The following CUX1 variants were observed in gnomAD, a reference collection of about 807,000 sequenced individuals.
CUX1 encodes the protein protein CASP.
Under a neutral mutation model 158.8 loss-of-function variants are expected in CUX1, and 31 were observed. The observed-to-expected ratio is 0.20, with a 90% CI of 0.15 to 0.26. The LOEUF is 0.26. Ranked by LOEUF, CUX1 falls within the 10% of genes least tolerant of loss-of-function variation. The probability of loss-of-function intolerance (pLI) is 1.00; values close to 1 mark genes in which losing one functional copy is unlikely to be tolerated. For missense variants in CUX1, 1,589 were observed against 2,014.6 expected (o/e 0.79, Z 4.04); for synonymous variants, 879 against 862.1 (o/e 1.02, Z -0.34).
chr7:102,240,915 G>A (rs1282049049), intron 23 of CUX1, among the ~76,000 whole-genome samples: 1 of 152,272 alleles, frequency 6.6e-6, no homozygotes, highest in Middle Eastern at 3.4e-3. Context: ...CCTTCTCCCA[G>A]GTTCAAGCGA....
At chr7:101,903,144 G>A (rs962573293) in intron 1 of CUX1, among the ~76,000 whole-genome samples, 45 of 152,282 alleles carry the variant, frequency 3.0e-4, no homozygotes, top group African/African-American at 9.9e-4. Context: ...TGACCCCGAG[G>A]CCAAGAGGAG....
upstream of CUX1, chr7:101,816,801 G>A (rs1437530325): frequency 4.2e-6 from 1 of 239,624 alleles, no homozygotes; most frequent in African/African-American, 2.4e-5. Flanking sequence ...CCAGGCGGGC[G>A]GGTGGCCGGG....
chr7:102,208,977 GCC>G (rs1796237331), intron 20 of CUX1, among the ~76,000 whole-genome samples: 1 of 152,216 alleles, frequency 6.6e-6, no homozygotes, highest in Non-Finnish European at 1.5e-5. Context: ...AACTTGCTCA[GCC>G]AGCCACAGCC....
chr7:102,122,519 G>A (rs1467463217), intron 8 of CUX1, among the ~76,000 whole-genome samples: 1 of 152,052 alleles, frequency 6.6e-6, no homozygotes, highest in East Asian at 1.9e-4. Context: ...AGCCCTGAAG[G>A]ATTTTCCTTG....
chr7:102,237,754 G>A (rs1586383682), intron 22 of CUX1, among the ~76,000 whole-genome samples: 1 of 152,168 alleles, frequency 6.6e-6, no homozygotes, highest in Non-Finnish European at 1.5e-5. Context: ...CTGGGCCCGG[G>A]GAACCACTAC....
chr7:101,993,431 C>T (rs1815403683), intron 2 of CUX1, among the ~76,000 whole-genome samples: 1 of 152,218 alleles, frequency 6.6e-6, no homozygotes, highest in Admixed American at 6.5e-5. Flanking sequence ...TCAGAGAGAG[C>T]TGCAGCTGCT....
At chr7:102,120,100 A>G (rs1831876690) in intron 8 of CUX1, among the ~76,000 whole-genome samples, 1 of 152,146 alleles carries the variant, frequency 6.6e-6, no homozygotes, top group African/African-American at 2.4e-5. Context: ...TCACTGCCCC[A>G]AGTTCCTGCA....
rs1791962606 is a variant in CUX1 at position 102,173,519 on chromosome 7, A to G, written c.828+2969A>G. Among the ~76,000 whole-genome samples the G allele has an allele frequency of 2.0e-5, 3 of 152,156 alleles. No individual in the cohort carries two copies. The South Asian group carries it at 6.2e-4, about 32-fold the overall frequency. On this transcript the variant is annotated intron_variant, in intron 10 of 23. Coordinates refer to ENST00000292535, the MANE Select transcript of CUX1 (RefSeq NM_181552.4). ...TTACAGTTCCTTCCTCTAAGTTTAG[A>G]CAAACTGGATCCAGCACCATGGCTA...
At chr7:101,928,913 A>G (rs959275618) in intron 2 of CUX1, among the ~76,000 whole-genome samples, 44 of 129,492 alleles carry the variant, frequency 3.4e-4, no homozygotes, top group East Asian at 1.2e-3. Flanking sequence ...CTCGTGATCC[A>G]CCCGCCTCGG....
chr7:101,869,205 G>A lies in CUX1; in HGVS notation c.31-46910G>A, dbSNP rs1213866269. Among the ~76,000 whole-genome samples, 2 of 152,124 alleles carry A rather than the reference G, an allele frequency of 1.3e-5. No individual in the cohort carries two copies. Among genetic ancestry groups the A allele is most frequent in the Non-Finnish European group, 2.9e-5 (2 of 68,010 alleles). On this transcript the variant is annotated intron_variant, in intron 1 of 23. Coordinates refer to ENST00000292535, the MANE Select transcript of CUX1 (RefSeq NM_181552.4). This position sits in a 1 kb window ranked among gnomAD's most constrained non-coding sequence, Gnocchi z 4.5. The stretch of plus-strand genomic sequence containing the variant: ...GGGGAGACCAGGATGAGCCCCATGT[G>A]CGCGTGACCTGTGGCAGAGGGGCTG...
At chr7:101,927,564 C>T (rs1805737376) in intron 2 of CUX1, among the ~76,000 whole-genome samples, 1 of 152,052 alleles carries the variant, frequency 6.6e-6, no homozygotes, top group African/African-American at 2.4e-5. Context: ...GTAGGAGGAT[C>T]CCTTGAGCCC....
intron 1 of CUX1, among the ~76,000 whole-genome samples, chr7:101,839,372 C>T (rs1205789011): frequency 6.6e-6 from 1 of 152,120 alleles, no homozygotes; most frequent in African/African-American, 2.4e-5. Flanking sequence ...CCAGGAAAAG[C>T]CTTGCTGGAT....
intron 9 of CUX1, among the ~76,000 whole-genome samples, chr7:102,166,617 T>C (rs1791066792): frequency 6.6e-6 from 1 of 152,172 alleles, no homozygotes; most frequent in African/African-American, 2.4e-5. Flanking sequence ...CAGCTGCCAA[T>C]GATGGGCTAC....
chr7:102,121,268 A>G (rs1474960064), intron 8 of CUX1, among the ~76,000 whole-genome samples: 2 of 151,812 alleles, frequency 1.3e-5, no homozygotes, highest in Non-Finnish European at 2.9e-5. Context: ...CCCGGGTTCA[A>G]GTGATTCTTC....
chr7:102,082,712 T>TC (rs1410782179), intron 4 of CUX1, among the ~76,000 whole-genome samples: 2 of 147,328 alleles, frequency 1.4e-5, no homozygotes, highest in African/African-American at 4.9e-5. Flanking sequence ...AATCATTTGG[T>TC]CTGTGGTCCT....
Position 102,201,025 on chromosome 7 carries a change from T to TA in CUX1, c.2063-306dup, listed in dbSNP as rs78359248. On this transcript the variant is annotated intron_variant, in intron 17 of 23. Transcript: ENST00000292535. The surrounding 1 kb of genome is among the most constrained non-coding windows in gnomAD (Gnocchi z 5.0). ...CTGGACAACAGCGAGATCCTGTCGC[T>TA]AAAAAAAAAAAAAAAAAAAAAAAAA... Among the ~76,000 whole-genome samples the TA allele has an allele frequency of 0.098, 4,118 of 42,074 alleles. 472 individuals carry two copies. Among genetic ancestry groups the TA allele is most frequent in the African/African-American group, 0.18 (1,774 of 9,682 alleles). 27.6% of individuals were successfully genotyped at this position (42,074 alleles called of 152,430 possible). A position where few individuals can be genotyped will look rare whatever the true frequency, so the allele number is the denominator to read the frequency against.
At chr7:101,948,296 T>G (rs2129150120) in intron 2 of CUX1, among the ~76,000 whole-genome samples, 1 of 152,346 alleles carries the variant, frequency 6.6e-6, no homozygotes, top group African/African-American at 2.4e-5. Flanking sequence ...TCACGACAAT[T>G]AGTTGTTGAG....
chr7:101,967,414 G>A (rs180723960), intron 2 of CUX1, among the ~76,000 whole-genome samples: 1 of 152,312 alleles, frequency 6.6e-6, no homozygotes, highest in African/African-American at 2.4e-5. Context: ...GCTAGATCTG[G>A]TAGCCGCGGA....
chr7:102,173,670 G>A (rs1453191288), intron 10 of CUX1, among the ~76,000 whole-genome samples: 1 of 152,158 alleles, frequency 6.6e-6, no homozygotes, highest in African/African-American at 2.4e-5. Context: ...CAGTGTTTTG[G>A]TTGAAAAGAA....
Sources: gnomAD v4.1 joint callset for allele counts (sites outside exome capture counted in the v4.1 genomes callset) on GRCh38, gnomAD v4.1.1 for gene constraint, Gnocchi (gnomAD v3.1) non-coding constraint, MANE v1.5 for transcripts, NCBI Gene and HGNC (gene_info 2026-07-23, HGNC 2026-07-21) for gene names.